The following ADCY1 variants were observed in gnomAD, a reference collection of about 807,000 sequenced individuals.
ADCY1 encodes the protein adenylate cyclase type 1.
ADCY1 carries 28 observed loss-of-function variants against 105.4 expected under a neutral mutation model. The ratio of observed to expected loss-of-function variants is 0.27; its 90% CI spans 0.20 to 0.36. The LOEUF (loss-of-function observed/expected upper bound fraction) is 0.36. Among genes scored for constraint, ADCY1 ranks in the 10% least tolerant of loss-of-function variants. ADCY1 has a pLI of 1.00. For missense variants in ADCY1, 977 were observed against 1,434.2 expected (o/e 0.68, Z 5.15); for synonymous variants, 655 against 623.8 (o/e 1.05, Z -0.75).
intron 4 of ADCY1, among the ~76,000 whole-genome samples, chr7:45,631,126 C>A (rs945826098): frequency 6.6e-6 from 1 of 152,196 alleles, no homozygotes; most frequent in African/African-American, 2.4e-5. Flanking sequence ...ACCAGGAAAG[C>A]TGTGATCAGT....
intron 8 of ADCY1, among the ~76,000 whole-genome samples, chr7:45,675,956 C>G (rs1418530121): frequency 1.3e-5 from 2 of 151,942 alleles, no homozygotes; most frequent in Non-Finnish European, 2.9e-5. Context: ...TTTGTCCAGT[C>G]TTACACCCTT....
chr7:45,589,820 G>A lies in ADCY1; in HGVS notation c.640-2939G>A, dbSNP rs112860872. ...TTTTTTTGAAGGGAGGCAGTGCCCA[G>A]CTCCTAGAGGAGTGGGTTGTTTGAT... On this transcript the variant is annotated intron_variant, in intron 1 of 19. Transcript: ENST00000297323. Among the ~76,000 whole-genome samples, 454 of 152,086 alleles carry A rather than the reference G, an allele frequency of 3.0e-3. 3 individuals are homozygous for A. The highest frequency in any genetic ancestry group is 0.01 in the African/African-American group (428 of 41,486).
chr7:45,585,016 G>T (rs1442127838), intron 1 of ADCY1, among the ~76,000 whole-genome samples: 5 of 152,234 alleles, frequency 3.3e-5, no homozygotes, highest in Non-Finnish European at 7.3e-5. Flanking sequence ...TCACCTCGGT[G>T]TGCACCATGT....
At chr7:45,606,122 C>T (rs553456379) in intron 2 of ADCY1, among the ~76,000 whole-genome samples, 3 of 152,238 alleles carry the variant, frequency 2.0e-5, no homozygotes, top group South Asian at 4.1e-4. Flanking sequence ...TCATGGTCCC[C>T]GCTAATAGTA....
intron 11 of ADCY1, 167 bp from the exon 12 acceptor site, chr7:45,684,812 A>T: frequency 1.8e-6 from 1 of 546,632 alleles, no homozygotes; most frequent in Non-Finnish European, 3.2e-6. Flanking sequence ...CACCTGGGAG[A>T]ATAAACAAAT....
Position 45,574,510 on chromosome 7 carries a change from G to T in ADCY1, c.-34G>T. The T allele has an allele frequency of 3.1e-6, 3 of 971,584 alleles. No homozygotes were observed. The highest frequency in any genetic ancestry group is 3.6e-6 in the Non-Finnish European group (3 of 821,984). The allele number at this position is 971,584 out of a possible 1,614,324, so 60.2% of individuals were successfully genotyped here. The stretch of plus-strand genomic sequence containing the variant: ...CCGGCGCCCCGGGCCGGCGAGGGGC[G>T]CGCCCGCGGCCGCGGCCGCTGCATG... On this transcript the variant is annotated 5_prime_UTR_variant, in exon 1 of 20. Coordinates refer to ENST00000297323, the MANE Select transcript of ADCY1 (RefSeq NM_021116.4). This position sits in a 1 kb window ranked among gnomAD's most constrained non-coding sequence, Gnocchi z 7.0.
At chr7:45,677,702 C>T (rs963207302) in intron 8 of ADCY1, among the ~76,000 whole-genome samples, 167 bp from the exon 9 acceptor site, 16 of 152,180 alleles carry the variant, frequency 1.1e-4, no homozygotes, top group African/African-American at 3.9e-4. Context: ...GCTGAGATGA[C>T]TCACCTGCCA....
At chr7:45,593,045 G>A in intron 2 of ADCY1, 137 bp downstream of exon 2, 6 of 1,283,118 alleles carry the variant, frequency 4.7e-6, no homozygotes, top group Non-Finnish European at 6.4e-6. Context: ...GGTATTTGAG[G>A]CTGTGGAGGA....
intron 4 of ADCY1, among the ~76,000 whole-genome samples, chr7:45,626,148 G>C (rs1794056646): frequency 6.6e-6 from 1 of 152,170 alleles, no homozygotes; most frequent in Non-Finnish European, 1.5e-5. Context: ...CGTTTCTGTT[G>C]CAGCAACTCA....
intron 4 of ADCY1, among the ~76,000 whole-genome samples, chr7:45,648,385 G>A (rs1020953128): frequency 6.6e-6 from 1 of 152,252 alleles, no homozygotes; most frequent in African/African-American, 2.4e-5. Context: ...CATCCTGTAG[G>A]GTTGGCTCAG....
chr7:45,711,644 TACAC>T (rs1554333220), intron 19 of ADCY1, among the ~76,000 whole-genome samples: 2 of 51,488 alleles, frequency 3.9e-5, no homozygotes, highest in Admixed American at 2.3e-4. Context: ...TATATATATA[TACAC>T]ACACACACGT....
intron 11 of ADCY1, among the ~76,000 whole-genome samples, chr7:45,682,377 G>C (rs959252486): frequency 1.3e-5 from 2 of 152,192 alleles, no homozygotes; most frequent in African/African-American, 4.8e-5. Context: ...CAGGGTTGCA[G>C]GCTGAGGTTT....
chr7:45,616,021 G>A (rs1169691653), intron 3 of ADCY1, among the ~76,000 whole-genome samples: 3 of 151,974 alleles, frequency 2.0e-5, no homozygotes, highest in East Asian at 3.8e-4. Context: ...TATAACTGAG[G>A]CCACAAAAAT....
intron 8 of ADCY1, chr7:45,664,693 G>T (rs889287845): frequency 4.5e-4 from 96 of 213,302 alleles, no homozygotes; most frequent in African/African-American, 9.8e-4. Flanking sequence ...TTGGTTGCTT[G>T]TTTTTTTTTT....
In ADCY1 at chr7:45,719,460, T is replaced by C. The variant is rs1375845600; in HGVS notation, c.*5465T>C. ...AGATTCCATTTCAGTTGCCACACAT[T>C]TTGGGGCTAGACTTCCCTAAACAAC... On this transcript the variant is annotated 3_prime_UTR_variant, in exon 20 of 20. Coordinates refer to ENST00000297323, the MANE Select transcript of ADCY1 (RefSeq NM_021116.4). 1 of 152,254 alleles carries C rather than the reference T, an allele frequency of 6.6e-6. No individual in the cohort carries two copies. The highest frequency in any genetic ancestry group is 1.5e-5 in the Non-Finnish European group (1 of 68,048). The allele number at this position is 152,254 out of a possible 1,614,324, so 9.4% of individuals were successfully genotyped here.
chr7:45,581,461 G>T (rs1792541505), intron 1 of ADCY1, among the ~76,000 whole-genome samples: 1 of 152,236 alleles, frequency 6.6e-6, no homozygotes, highest in African/African-American at 2.4e-5. Flanking sequence ...TCTGACAACT[G>T]TACTAAACAC....
At chr7:45,656,927 G>A (rs1023521724) in intron 5 of ADCY1, among the ~76,000 whole-genome samples, 1 of 152,254 alleles carries the variant, frequency 6.6e-6, no homozygotes, top group Non-Finnish European at 1.5e-5. Flanking sequence ...TGATTTCAAA[G>A]CTTGTCAAAG....
intron 4 of ADCY1, among the ~76,000 whole-genome samples, chr7:45,639,670 A>C (rs1794487725): frequency 1.3e-5 from 2 of 152,298 alleles, no homozygotes; most frequent in South Asian, 4.1e-4. Flanking sequence ...AGCACCTCAC[A>C]TTGTTGTAAG....
At chr7:45,685,131 C>T in intron 12 of ADCY1, 63 bp downstream of exon 12, 1 of 1,460,076 alleles carries the variant, frequency 6.8e-7, no homozygotes, top group Non-Finnish European at 9.6e-7. Context: ...GAGGACCAGC[C>T]CAGAAGCCAG....
Sources: allele counts gnomAD v4.1 joint callset (sites outside exome capture counted in the v4.1 genomes callset), GRCh38; gene constraint gnomAD v4.1.1; non-coding constraint Gnocchi (gnomAD v3.1); transcripts MANE v1.5; gene names NCBI Gene and HGNC (gene_info 2026-07-23, HGNC 2026-07-21).